Variants in DCAF11 observed in about 807,000 individuals in gnomAD.
DCAF11 encodes DDB1 and CUL4 associated factor 11.
DCAF11 carries 44 observed loss-of-function variants against 76.1 expected under a neutral mutation model. The observed-to-expected ratio is 0.58, with a 90% confidence interval of 0.45 to 0.74. The LOEUF (loss-of-function observed/expected upper bound fraction) is 0.74, where lower values mean the gene tolerates loss of function less well. Ranked by LOEUF, DCAF11 falls within the 30% of genes least tolerant of loss-of-function variation. The pLI, the probability that DCAF11 is intolerant of heterozygous loss-of-function variation, is 0.00. For missense variants in DCAF11, 604 were observed against 709.4 expected, an observed-to-expected ratio of 0.85 and a Z score of 1.69; for synonymous variants, 258 against 255.0, an observed-to-expected ratio of 1.01 and a Z score of -0.11.
At chr14:24,120,315 G>C (rs1252617273) in intron 11 of DCAF11, among the ~76,000 whole-genome samples, 1 of 151,974 alleles carries the variant, frequency 6.6e-6, no homozygotes, top group African/African-American at 2.4e-5. Flanking sequence ...CCAGCACTTT[G>C]GGAGGCCGAG....
Position 24,120,998 on chromosome 14 carries a change from C to CTG in DCAF11, c.1246+8_1246+9dup. 1 of 1,614,038 alleles carries CTG rather than the reference C, an allele frequency of 6.2e-7. No individual in the cohort carries two copies. Among genetic ancestry groups the CTG allele is most frequent in the Non-Finnish European group, 8.5e-7 (1 of 1,179,978 alleles). On this transcript the variant is annotated splice_region_variant and intron_variant, in intron 12 of 14. Transcript: ENST00000446197. Reference sequence around the variant, plus strand: ...CAGCAAGTGCCCAAAAAAGGTGAGACTGGAAGTACAGGCACAGTGGATTTG... The same window carrying CTG: ...CAGCAAGTGCCCAAAAAAGGTGAGACTGTGGAAGTACAGGCACAGTGGATTTG...
intron 11 of DCAF11, 106 bp from the exon 12 acceptor site, chr14:24,120,732 A>G: frequency 5.7e-6 from 8 of 1,400,062 alleles, no homozygotes; most frequent in Non-Finnish European, 7.8e-6. Flanking sequence ...AGGCAAGTAA[A>G]GCCAGAGGCC....
At chr14:24,118,890 G>A (rs2037636133) in intron 8 of DCAF11, 86 bp downstream of exon 8, 1 of 1,480,862 alleles carries the variant, frequency 6.8e-7, no homozygotes, top group African/African-American at 1.4e-5. Context: ...TGGAAGTTCT[G>A]TTTAGGGGAA....
At chr14:24,116,785 C>A in intron 2 of DCAF11, 132 bp from the exon 3 acceptor site, 5 of 1,295,878 alleles carry the variant, frequency 3.9e-6, no homozygotes, top group Non-Finnish European at 5.4e-6. Flanking sequence ...CCAAAAATAA[C>A]AGCCAAGGTC....
Position 24,118,471 on chromosome 14 carries a change from G to C in DCAF11, c.661G>C (p.Val221Leu), listed in dbSNP as rs78469280. 5 of 1,614,072 alleles carry C rather than the reference G, an allele frequency of 3.1e-6. No individual in the cohort carries two copies. The African/African-American group carries it at 6.7e-5, about 22-fold the overall frequency. ...CAAGGCCCGCGACGTAGGCTGGAGC[G>C]TCTTGGATGTGGCCTTCACCCCTGA... ...SIKARDVGWSVLDVAFTPDGN... is the reference protein window; with the variant it reads ...SIKARDVGWSLLDVAFTPDGN... The change falls in exon 7 of 15, where the codon GTC becomes CTC. Residue 221 changes from valine to leucine, a missense_variant. Val to Leu is a conservative substitution (Grantham distance 32). Coordinates refer to ENST00000446197, the MANE Select transcript of DCAF11 (RefSeq NM_025230.5).
chr14:24,119,430 A>G (rs2037647823), intron 9 of DCAF11, 129 bp from the exon 10 acceptor site: 2 of 1,296,052 alleles, frequency 1.5e-6, no homozygotes, highest in Admixed American at 1.8e-5. Context: ...CTCTTCCCCC[A>G]CTTCCTGTAT....
Position 24,115,108 on chromosome 14 carries a change from C to T in DCAF11, c.-399C>T, listed in dbSNP as rs1566589403. ...CTGCCGGCCTTTGTAAGGGGGCGCT[C>T]TGATTGGTCGATAAGGTGGGGGCGT... On this transcript the variant is annotated 5_prime_UTR_variant, in exon 1 of 15. Coordinates refer to ENST00000446197, the MANE Select transcript of DCAF11 (RefSeq NM_025230.5). 1.4e-5 allele frequency: 11 copies of T among 777,066 alleles called. No individual in the cohort carries two copies. Among genetic ancestry groups the T allele is most frequent in the Non-Finnish European group, 1.7e-5 (11 of 639,260 alleles). The allele number at this position is 777,066 out of a possible 1,614,324, so 48.1% of individuals were successfully genotyped here. A position where few individuals can be genotyped will look rare whatever the true frequency, so the allele number is the denominator to read the frequency against.
At chr14:24,116,198 C>G (rs2037558845) in intron 2 of DCAF11, among the ~76,000 whole-genome samples, 1 of 152,182 alleles carries the variant, frequency 6.6e-6, no homozygotes, top group Non-Finnish European at 1.5e-5. Context: ...TGACTCTAAC[C>G]TGTTCTTGAG....
rs1305067573 is a variant in DCAF11, at chr14:24,115,675, G to GCGT, written c.84_86dup (p.Arg29dup). ...GCTTGCCCCGAAGAGGGGCTGGCCT[G>GCGT]CGTCGGAGTGAGGAAGAGGAAGAAG... is the stretch of plus-strand genomic sequence containing the variant. On this transcript the variant is annotated inframe_insertion, in exon 2 of 15. Coordinates refer to ENST00000446197, the MANE Select transcript of DCAF11 (RefSeq NM_025230.5). 1.2e-6 allele frequency: 2 copies of GCGT among 1,613,800 alleles called. No individual in the cohort carries two copies. The highest frequency in any genetic ancestry group is 2.2e-5 in the South Asian group (2 of 91,068).
Position 24,117,415 on chromosome 14 carries a change from C to T in DCAF11, c.411+22C>T, listed in dbSNP as rs559148544. On this transcript the variant is annotated intron_variant, in intron 4 of 14. Transcript: ENST00000446197. This position sits in a 1 kb window ranked among gnomAD's most constrained non-coding sequence, Gnocchi z 4.3. Reference sequence around the variant, plus strand: ...CCAGGTAGGCCTCTCCACCTCCCAGCCTGGCAGCAGGCCTGCCAAAGCAGC... The same window carrying T: ...CCAGGTAGGCCTCTCCACCTCCCAGTCTGGCAGCAGGCCTGCCAAAGCAGC... The T allele has an allele frequency of 1.9e-6, 3 of 1,613,242 alleles. No homozygotes were observed. In the South Asian group the frequency reaches 3.3e-5, roughly 18 times the overall value.
At chr14:24,116,812 T>C in intron 2 of DCAF11, 105 bp from the exon 3 acceptor site, 1 of 1,539,490 alleles carries the variant, frequency 6.5e-7, no homozygotes, top group Non-Finnish European at 8.9e-7. Context: ...GCCTCAAACC[T>C]CAAAATGAGT....
chr14:24,117,399 C>G lies in DCAF11; in HGVS notation c.411+6C>G. 2 of 1,613,908 alleles carry G rather than the reference C, an allele frequency of 1.2e-6. No individual in the cohort carries two copies. The highest frequency in any genetic ancestry group is 1.7e-6 in the Non-Finnish European group (2 of 1,179,880). The stretch of plus-strand genomic sequence containing the variant: ...TTCCTCGAATGTTGCACCAGGTAGG[C>G]CTCTCCACCTCCCAGCCTGGCAGCA... On this transcript the variant is annotated splice_donor_region_variant and intron_variant, in intron 4 of 14. Transcript: ENST00000446197. This position sits in a 1 kb window ranked among gnomAD's most constrained non-coding sequence, Gnocchi z 4.3.
Position 24,120,903 on chromosome 14 carries a change from C to T in DCAF11, c.1158C>T (p.Arg386=). The change falls in exon 12 of 15, where the codon CGC becomes CGT. Residue 386 remains arginine (R), a synonymous_variant. Coordinates refer to ENST00000446197, the MANE Select transcript of DCAF11 (RefSeq NM_025230.5). ...DQTIKLWDIR[R]FSSREGMEAS... ...CCATCAAACTCTGGGATATCCGACG[C>T]TTTTCCAGCCGGGAAGGCATGGAAG... 6.2e-7 allele frequency: 1 copy of T among 1,614,224 alleles called. No individual in the cohort carries two copies. The highest frequency in any genetic ancestry group is 1.1e-5 in the South Asian group (1 of 91,080).
rs746796439 is a variant in DCAF11, at chr14:24,123,259, G to A, written c.1591G>A (p.Ala531Thr). The change falls in exon 15 of 15, where the codon GCC (alanine) becomes ACC (threonine). Residue 531 changes from alanine to threonine, a missense_variant. Physicochemically the swap from Ala to Thr is moderately conservative, Grantham distance 58. Transcript: ENST00000446197. Reference sequence around the variant, plus strand: ...GCCAGAATCTGAGGAATGTGCCAGCGCCCCTGCCCCAGTGCCCCAATCCTC... The same window carrying A: ...GCCAGAATCTGAGGAATGTGCCAGCACCCCTGCCCCAGTGCCCCAATCCTC... ...DMPESEECASAPAPVPQSSTP... is the reference protein window; with the variant it reads ...DMPESEECASTPAPVPQSSTP... The A allele has an allele frequency of 1.8e-5, 28 of 1,562,282 alleles. No individual in the cohort carries two copies. The highest frequency in any genetic ancestry group is 1.7e-4 in the Middle Eastern group (1 of 5,778).
Position 24,115,377 on chromosome 14 carries a change from C to T in DCAF11, c.-213-5C>T, listed in dbSNP as rs1228579623. ...CGGTTCACTCTTGCTTTCTTTGCTT[C>T]ACAGGATTGGAGAAGGTTTGTGTTC... On this transcript the variant is annotated splice_region_variant and splice_polypyrimidine_tract_variant and intron_variant, in intron 1 of 14. Coordinates refer to ENST00000446197, the MANE Select transcript of DCAF11 (RefSeq NM_025230.5). 6 of 515,956 alleles carry T rather than the reference C, an allele frequency of 1.2e-5. No individual in the cohort carries two copies. The highest frequency in any genetic ancestry group is 1.6e-5 in the Non-Finnish European group (5 of 309,674). 32.0% of individuals were successfully genotyped at this position (515,956 alleles called of 1,614,324 possible).
chr14:24,117,581 G>T lies in DCAF11; in HGVS notation c.412-87G>T. ...ATGTGTGTGTCCATTTCTATAACAA[G>T]AGCAATATCTTTGGAGGAGGGGGCT... On this transcript the variant is annotated intron_variant, in intron 4 of 14. Coordinates refer to ENST00000446197, the MANE Select transcript of DCAF11 (RefSeq NM_025230.5). This position sits in a 1 kb window ranked among gnomAD's most constrained non-coding sequence, Gnocchi z 4.3. The T allele has an allele frequency of 1.9e-6, 3 of 1,544,212 alleles. No individual in the cohort carries two copies. Among genetic ancestry groups the T allele is most frequent in the South Asian group, 1.1e-5 (1 of 87,486 alleles).
At position 24,121,304 on chromosome 14, in the gene DCAF11, G is replaced by A. The variant is rs73603087; in HGVS notation, c.1247-61G>A. 9,101 of 1,601,726 alleles carry A rather than the reference G, an allele frequency of 5.7e-3. 74 individuals are homozygous for A. The highest frequency in any genetic ancestry group is 0.039 in the African/African-American group (2,883 of 74,824). On this transcript the variant is annotated intron_variant, in intron 12 of 14. Transcript: ENST00000446197. Reference sequence around the variant, plus strand: ...GCATCGAACCTTGCTCAGGACTGGTGGTACGAAACAATCCCAAAGCAGATT... The same window carrying A: ...GCATCGAACCTTGCTCAGGACTGGTAGTACGAAACAATCCCAAAGCAGATT...
rs372416384 is a variant in DCAF11 at position 24,119,554 on chromosome 14, T to C, written c.849-5T>C. The C allele has an allele frequency of 6.2e-6, 10 of 1,614,082 alleles. No homozygotes were observed. In the African/African-American group the frequency reaches 1.1e-4, roughly 17 times the overall value. ...CAGGACCCTCCTTTATCCCTTCCCTTTCAGGGCCAATGATGGCTGCCTGTA... is the reference window on the plus strand; with the variant it reads ...CAGGACCCTCCTTTATCCCTTCCCTCTCAGGGCCAATGATGGCTGCCTGTA... On this transcript the variant is annotated splice_region_variant and splice_polypyrimidine_tract_variant and intron_variant, in intron 9 of 14. Coordinates refer to ENST00000446197, the MANE Select transcript of DCAF11 (RefSeq NM_025230.5).
rs1196134370 is a variant in DCAF11 at position 24,123,179 on chromosome 14, A to G, written c.1511A>G (p.Asp504Gly). Reference protein sequence around the residue: ...FEEKIVSSSWDGNLRLWQYRQ... With the variant: ...FEEKIVSSSWGGNLRLWQYRQ... ...TTGCCACCCTCTGCCCTGCAGTGGG[A>G]CGGGAACCTGCGTCTGTGGCAGTAC... The change falls in exon 15 of 15, where the codon GAC becomes GGC. Residue 504 changes from aspartate to glycine, a missense_variant. Transcript: ENST00000446197. 6.2e-7 allele frequency: 1 copy of G among 1,611,344 alleles called. No homozygotes were observed. Among genetic ancestry groups the G allele is most frequent in the African/African-American group, 1.3e-5 (1 of 74,846 alleles).
Sources: allele counts gnomAD v4.1 joint callset (sites outside exome capture counted in the v4.1 genomes callset), GRCh38; gene constraint gnomAD v4.1.1; non-coding constraint Gnocchi (gnomAD v3.1); transcripts MANE v1.5; gene names NCBI Gene and HGNC (gene_info 2026-07-23, HGNC 2026-07-21).